Variants in ZNF705B observed in about 807,000 individuals in gnomAD.
The protein encoded by ZNF705B is zinc finger protein 705B.
Under a neutral mutation model 10.5 loss-of-function variants are expected in ZNF705B, and 1 was observed. That is an observed-to-expected ratio of 0.10 (90% CI 0.03 to 0.45). The LOEUF (loss-of-function observed/expected upper bound fraction) is 0.45. Among genes scored for constraint, ZNF705B ranks in the 20% least tolerant of loss-of-function variants. ZNF705B has a pLI of 0.97. For missense variants in ZNF705B, 14 were observed against 84.0 expected (o/e 0.17, Z 3.26); for synonymous variants, 4 against 25.4 (o/e 0.16, Z 2.53).
chr8:7,932,828 C>T (rs1396028741), intron 2 of ZNF705B, among the ~76,000 whole-genome samples: 5 of 106,954 alleles, frequency 4.7e-5, no homozygotes, highest in African/African-American at 1.1e-4. Context: ...CAAGGGGAGG[C>T]CCCCCAGTAC....
At chr8:7,930,490 G>A (rs200444027) in intron 2 of ZNF705B, 54 bp downstream of exon 2, 19,384 of 70,312 alleles carry the variant, frequency 0.28, 782 homozygotes, top group East Asian at 0.48. Context: ...TGGAGCTGAC[G>A]TAGGCCAAAT....
chr8:7,941,402 A>G (rs58392151), intron 2 of ZNF705B, among the ~76,000 whole-genome samples: 10,065 of 98,970 alleles, frequency 0.1, 866 homozygotes, highest in Middle Eastern at 0.27. Flanking sequence ...TCTGAAATGG[A>G]CATAGTAATT....
At chr8:7,937,563 T>C (rs560545911) in intron 2 of ZNF705B, among the ~76,000 whole-genome samples, 4 of 119,854 alleles carry the variant, frequency 3.3e-5, no homozygotes, top group Admixed American at 2.0e-4. Flanking sequence ...GTTATATATG[T>C]AAGACACATA....
chr8:7,935,453 C>T (rs1330867479), intron 2 of ZNF705B, among the ~76,000 whole-genome samples: 4 of 135,134 alleles, frequency 3.0e-5, no homozygotes, highest in African/African-American at 7.5e-5. Flanking sequence ...GTATGTAACA[C>T]AGAGCACCTT....
chr8:7,928,543 A>G lies in ZNF705B; in HGVS notation c.-221-1744A>G, dbSNP rs1217362781. On this transcript the variant is annotated intron_variant, in intron 1 of 6. Transcript: ENST00000400120. The stretch of plus-strand genomic sequence containing the variant: ...AGAGATGTAGAAACAATATAAAGCA[A>G]CACAGATGTGGAGGGGAAAGAGAGA... 1.7e-5 allele frequency among the ~76,000 whole-genome samples: 2 copies of G among 118,194 alleles called. 1 individual carries two copies. The highest frequency in any genetic ancestry group is 4.0e-5 in the Non-Finnish European group (2 of 49,434). 77.5% of individuals were successfully genotyped at this position (118,194 alleles called of 152,430 possible). A position where few individuals can be genotyped will look rare whatever the true frequency, so the allele number is the denominator to read the frequency against.
At chr8:7,927,732 C>A (rs1286229624) in intron 1 of ZNF705B, among the ~76,000 whole-genome samples, 1 of 146,692 alleles carries the variant, frequency 6.8e-6, no homozygotes, top group Non-Finnish European at 1.5e-5. Flanking sequence ...AGTTTTGAAA[C>A]CAGGGTTATC....
intron 2 of ZNF705B, among the ~76,000 whole-genome samples, chr8:7,940,197 G>GA (rs1291376296): frequency 2.1e-5 from 3 of 142,486 alleles, no homozygotes; most frequent in Admixed American, 7.1e-5. Context: ...AAAGCCAAGA[G>GA]AAAAAAACAA....
rs1393214838 is a variant in ZNF705B at position 7,936,375 on chromosome 8, G to T, written c.-72+5939G>T. On this transcript the variant is annotated intron_variant, in intron 2 of 6. Transcript: ENST00000400120. ...TGACCCAGTAATCTCACTACTGGGT[G>T]TATATCCAAAGGAAAATAAATCAGT... is the stretch of plus-strand genomic sequence containing the variant. 9.8e-3 allele frequency among the ~76,000 whole-genome samples: 1,165 copies of T among 118,580 alleles called. 26 individuals carry two copies. Among genetic ancestry groups the T allele is most frequent in the African/African-American group, 0.028 (1,095 of 38,680 alleles). 77.8% of individuals were successfully genotyped at this position (118,580 alleles called of 152,430 possible).
intron 2 of ZNF705B, among the ~76,000 whole-genome samples, chr8:7,930,846 G>GTTTT (rs5889212): frequency 5.5e-5 from 4 of 72,792 alleles, no homozygotes; most frequent in Admixed American, 1.8e-4. Flanking sequence ...TATTTTTTTT[G>GTTTT]TTTTTTTTTT....
intron 2 of ZNF705B, among the ~76,000 whole-genome samples, chr8:7,930,766 A>G (rs1343671745): frequency 8.6e-6 from 1 of 116,104 alleles, no homozygotes; most frequent in African/African-American, 2.6e-5. Context: ...CAACGACAAC[A>G]CTAATACTAA....
Position 7,927,555 on chromosome 8 carries a change from A to G in ZNF705B, c.-222+1158A>G, listed in dbSNP as rs1310660301. Among the ~76,000 whole-genome samples the G allele has an allele frequency of 2.6e-5, 3 of 115,790 alleles. 1 individual carries two copies. The highest frequency in any genetic ancestry group is 7.6e-5 in the African/African-American group (3 of 39,432). The allele number at this position is 115,790 out of a possible 152,430, so 76.0% of individuals were successfully genotyped here. ...CTAGTTAAAACACAACTCTGCGTGG[A>G]TAGGTATTGGGTAGCAATTGACTCT... On this transcript the variant is annotated intron_variant, in intron 1 of 6. Coordinates refer to ENST00000400120, the MANE Select transcript of ZNF705B (RefSeq NM_001193630.1).
intron 2 of ZNF705B, among the ~76,000 whole-genome samples, chr8:7,934,229 C>T (rs1209103954): frequency 6.8e-4 from 97 of 143,478 alleles, no homozygotes; most frequent in African/African-American, 2.2e-3. Flanking sequence ...CATGAGTCAC[C>T]GCACCCAGCC....
Position 7,931,181 on chromosome 8 carries a change from G to A in ZNF705B, c.-72+745G>A, listed in dbSNP as rs575424420. The stretch of plus-strand genomic sequence containing the variant: ...TGCCAGCAGTGACAGTGGTGAGCTC[G>A]GTAGATAGGCATGCCCTCAAGACCC... On this transcript the variant is annotated intron_variant, in intron 2 of 6. Coordinates refer to ENST00000400120, the MANE Select transcript of ZNF705B (RefSeq NM_001193630.1). Among the ~76,000 whole-genome samples, 146 of 121,078 alleles carry A rather than the reference G, an allele frequency of 1.2e-3. 4 individuals are homozygous for A. The highest frequency in any genetic ancestry group is 4.3e-3 in the Middle Eastern group (1 of 232). 79.4% of individuals were successfully genotyped at this position (121,078 alleles called of 152,430 possible).
At position 7,926,744 on chromosome 8, in the gene ZNF705B, G is replaced by A. The variant is rs1157420869; in HGVS notation, c.-222+347G>A. The stretch of plus-strand genomic sequence containing the variant: ...GATGCAGACTTTCCCCCTTTGTTAG[G>A]GAAGTGCAATTCAGACAACCTTTTA... On this transcript the variant is annotated intron_variant, in intron 1 of 6. Coordinates refer to ENST00000400120, the MANE Select transcript of ZNF705B (RefSeq NM_001193630.1). Among the ~76,000 whole-genome samples, 2 of 114,842 alleles carry A rather than the reference G, an allele frequency of 1.7e-5. 1 individual carries two copies. Among genetic ancestry groups the A allele is most frequent in the Non-Finnish European group, 4.1e-5 (2 of 48,340 alleles). 75.3% of individuals were successfully genotyped at this position (114,842 alleles called of 152,430 possible).
At chr8:7,931,212 G>A (rs1819838517) in intron 2 of ZNF705B, among the ~76,000 whole-genome samples, 1 of 121,116 alleles carries the variant, frequency 8.3e-6, no homozygotes, top group Admixed American at 9.3e-5. Context: ...GACCCTGGGA[G>A]GCATGTGTAG....
intron 2 of ZNF705B, among the ~76,000 whole-genome samples, chr8:7,940,724 C>T (rs1375700445): frequency 6.8e-6 from 1 of 146,536 alleles, no homozygotes; most frequent in Non-Finnish European, 1.5e-5. Context: ...TTTCATATAA[C>T]CTAATGCCCT....
chr8:7,935,748 T>A (rs1273930606), intron 2 of ZNF705B, among the ~76,000 whole-genome samples: 1 of 88,706 alleles, frequency 1.1e-5, no homozygotes, highest in African/African-American at 2.8e-5. Flanking sequence ...CATGCTTTTC[T>A]GAAGACAATG....
At chr8:7,935,519 T>TTC (rs1290439926) in intron 2 of ZNF705B, among the ~76,000 whole-genome samples, 1 of 115,000 alleles carries the variant, frequency 8.7e-6, no homozygotes, top group African/African-American at 2.6e-5. Flanking sequence ...CTTTTTTTTT[T>TTC]CTATTCTGGA....
intron 2 of ZNF705B, among the ~76,000 whole-genome samples, chr8:7,936,840 G>A (rs1360595360): frequency 1.7e-5 from 2 of 119,258 alleles, no homozygotes; most frequent in African/African-American, 2.6e-5. Context: ...TAACAAATCT[G>A]CACATGCACT....
Sources: gnomAD v4.1 joint callset for allele counts (sites outside exome capture counted in the v4.1 genomes callset) on GRCh38, gnomAD v4.1.1 for gene constraint, MANE v1.5 for transcripts, NCBI Gene and HGNC (gene_info 2026-07-23, HGNC 2026-07-21) for gene names.